CDCA3: variants seen among roughly 807,000 people sequenced by gnomAD.
CDCA3 encodes cell division cycle associated 3, also known as cell division cycle-associated protein 3.
In CDCA3, 16 loss-of-function variants were observed where a neutral mutation model predicts 29.1. The ratio of observed to expected loss-of-function variants is 0.55; its 90% CI spans 0.37 to 0.83. CDCA3 has a LOEUF of 0.83. Ranked by LOEUF, CDCA3 falls within the 40% of genes least tolerant of loss-of-function variation. The pLI is 0.00. For synonymous variants in CDCA3, 88 were observed against 124.5 expected (o/e 0.71, Z 1.95); for missense variants, 291 against 327.2 (o/e 0.89, Z 0.85).
downstream of CDCA3, chr12:6,845,877 C>A: frequency 4.0e-6 from 4 of 990,306 alleles, no homozygotes; most frequent in East Asian, 2.4e-5. Flanking sequence ...TTCTGTACCC[C>A]CCATCAGCTC....
downstream of CDCA3, among the ~76,000 whole-genome samples, chr12:6,847,621 C>T (rs1171712977): frequency 2.6e-5 from 4 of 152,016 alleles, no homozygotes; most frequent in East Asian, 1.9e-4. Flanking sequence ...TGTGTTTGTA[C>T]GGGAGGGTTA....
chr12:6,849,290 C>T lies in CDCA3; in HGVS notation c.651+33G>A. On this transcript the variant is annotated intron_variant, in intron 5 of 5. Coordinates refer to ENST00000538862, the MANE Select transcript of CDCA3 (RefSeq NM_031299.7). The surrounding 1 kb of genome is among the most constrained non-coding windows in gnomAD (Gnocchi z 5.2). ...GTCTCCCACCCTCTACGTTGGATAT[C>T]CTAGTAACAGCTTGCACTTTCTCTT... 1.9e-6 allele frequency: 3 copies of T among 1,594,344 alleles called. No homozygotes were observed. Among genetic ancestry groups the T allele is most frequent in the Non-Finnish European group, 2.6e-6 (3 of 1,168,360 alleles).
chr12:6,846,232 G>A (rs1419136529), downstream of CDCA3: 2 of 183,258 alleles, frequency 1.1e-5, no homozygotes, highest in African/African-American at 4.7e-5. Context: ...CAGATAGGAT[G>A]GCTTCTTCTC....
downstream of CDCA3, chr12:6,846,826 C>T: frequency 6.2e-7 from 1 of 1,601,106 alleles, no homozygotes; most frequent in South Asian, 1.1e-5. Flanking sequence ...GGGTGAGCTG[C>T]CTGGGAGTCA....
Position 6,850,762 on chromosome 12 carries a change from C to T in CDCA3, c.120+71G>A. On this transcript the variant is annotated intron_variant, in intron 2 of 5. Coordinates refer to ENST00000538862, the MANE Select transcript of CDCA3 (RefSeq NM_031299.7). The surrounding 1 kb of genome is among the most constrained non-coding windows in gnomAD (Gnocchi z 4.7). ...ATAAGGGTGGGGTCATGACGGCTCT[C>T]TCAAAATCAGGTTAGGAAGAGACCC... The T allele has an allele frequency of 2.5e-6, 4 of 1,589,752 alleles. No homozygotes were observed. In the South Asian group the frequency reaches 4.5e-5, roughly 18 times the overall value.
chr12:6,850,118 G>T lies in CDCA3; in HGVS notation c.251-260C>A, dbSNP rs1555125982. The T allele has an allele frequency of 5.9e-6, 3 of 507,002 alleles. No homozygotes were observed. The highest frequency in any genetic ancestry group is 3.6e-5 in the Admixed American group (1 of 27,960). 31.4% of individuals were successfully genotyped at this position (507,002 alleles called of 1,614,324 possible). ...GGGCTCAAGCAATCCTCCCACTTCA[G>T]CCTCCTGAGTAGCTGGGATCACAGG... On this transcript the variant is annotated intron_variant, in intron 3 of 5. Transcript: ENST00000538862. This position sits in a 1 kb window ranked among gnomAD's most constrained non-coding sequence, Gnocchi z 4.7.
At chr12:6,845,623 A>G (rs1555124469), downstream of CDCA3, 3 of 1,613,260 alleles carry the variant, frequency 1.9e-6, no homozygotes, top group African/African-American at 1.3e-5. Flanking sequence ...ACGGGCTCGG[A>G]TGACGCTTCC....
rs782385664 is a variant in CDCA3 at position 6,849,027 on chromosome 12, T to C, written c.*16A>G. On this transcript the variant is annotated 3_prime_UTR_variant, in exon 6 of 6. Transcript: ENST00000538862. This position sits in a 1 kb window ranked among gnomAD's most constrained non-coding sequence, Gnocchi z 5.2. ...ACCAGGCCCTGGGTGACTGCATTGCTGGGGCCATGCAGGGCCTAGCTCTCC... is the reference window on the plus strand; with the variant it reads ...ACCAGGCCCTGGGTGACTGCATTGCCGGGGCCATGCAGGGCCTAGCTCTCC... 16 of 843,206 alleles carry C rather than the reference T, an allele frequency of 1.9e-5. No individual in the cohort carries two copies. In the South Asian group the frequency reaches 2.1e-4, roughly 11 times the overall value. The allele number at this position is 843,206 out of a possible 1,614,324, so 52.2% of individuals were successfully genotyped here.
chr12:6,846,187 G>A, downstream of CDCA3: 2 of 234,876 alleles, frequency 8.5e-6, no homozygotes, highest in Non-Finnish European at 1.7e-5. Flanking sequence ...CCTGACTGCA[G>A]CCTAGGGCTC....
rs1555126376 is a variant in CDCA3, at chr12:6,850,976, G to A, written c.-24C>T. ...ATCTCAACCAGGAGTTGCAGGGTGG[G>A]GGCAAGGGCCAGCCCGGGACGAGGA... On this transcript the variant is annotated 5_prime_UTR_variant, in exon 2 of 6. Coordinates refer to ENST00000538862, the MANE Select transcript of CDCA3 (RefSeq NM_031299.7). This position sits in a 1 kb window ranked among gnomAD's most constrained non-coding sequence, Gnocchi z 4.7. The A allele has an allele frequency of 1.9e-6, 3 of 1,601,704 alleles. No individual in the cohort carries two copies. The highest frequency in any genetic ancestry group is 2.2e-5 in the East Asian group (1 of 44,778).
downstream of CDCA3, chr12:6,848,770 A>C (rs1591596137): frequency 2.3e-6 from 1 of 441,396 alleles, no homozygotes. Flanking sequence ...AGGCCAGGGA[A>C]CGCAAGCTCT....
At chr12:6,846,850 G>T, downstream of CDCA3, 1 of 1,602,302 alleles carries the variant, frequency 6.2e-7, no homozygotes. Context: ...CTGACGGGAT[G>T]GCTGTGGCCA....
downstream of CDCA3, chr12:6,845,753 C>T (rs782139192): frequency 8.7e-6 from 14 of 1,613,964 alleles, 1 homozygote; most frequent in Admixed American, 8.3e-5. Flanking sequence ...TCGCTGGCTA[C>T]GACGACTTCA....
downstream of CDCA3, chr12:6,846,528 A>G (rs781959046): frequency 9.0e-4 from 317 of 351,904 alleles, no homozygotes; most frequent in African/African-American, 6.0e-3. Flanking sequence ...CCTGCCCTAC[A>G]GCTAATCCTC....
Position 6,850,403 on chromosome 12 carries a change from C to T in CDCA3, c.250+64G>A. 3 of 1,603,974 alleles carry T rather than the reference C, an allele frequency of 1.9e-6. No individual in the cohort carries two copies. Among genetic ancestry groups the T allele is most frequent in the Non-Finnish European group, 2.6e-6 (3 of 1,172,470 alleles). On this transcript the variant is annotated intron_variant, in intron 3 of 5. Coordinates refer to ENST00000538862, the MANE Select transcript of CDCA3 (RefSeq NM_031299.7). This position sits in a 1 kb window ranked among gnomAD's most constrained non-coding sequence, Gnocchi z 4.7. ...TTAAGGAACCCTGAGAGAATGGCTTCATGGACCCTACCCAAGAATAATAGA... is the reference window on the plus strand; with the variant it reads ...TTAAGGAACCCTGAGAGAATGGCTTTATGGACCCTACCCAAGAATAATAGA...
At chr12:6,846,718 C>G, downstream of CDCA3, 2 of 796,104 alleles carry the variant, frequency 2.5e-6, no homozygotes, top group Non-Finnish European at 4.3e-6. Context: ...CCCACACATA[C>G]ACTTACACGC....
downstream of CDCA3, chr12:6,848,423 T>C (rs782437920): frequency 8.5e-5 from 13 of 152,306 alleles, no homozygotes; most frequent in African/African-American, 3.1e-4. Context: ...ATATAGGACA[T>C]TGGGAGGGAA....
At chr12:6,847,113 C>T (rs1943721679), downstream of CDCA3, 1 of 549,122 alleles carries the variant, frequency 1.8e-6, no homozygotes, top group African/African-American at 1.9e-5. Context: ...ATGGCCTTCC[C>T]TCCCCACAGT....
chr12:6,845,804 T>A, downstream of CDCA3: 1 of 1,607,626 alleles, frequency 6.2e-7, no homozygotes, highest in Non-Finnish European at 8.5e-7. Flanking sequence ...AGCGTGTGGG[T>A]AAGGGCCAGC....
Sources: allele counts gnomAD v4.1 joint callset (sites outside exome capture counted in the v4.1 genomes callset), GRCh38; gene constraint gnomAD v4.1.1; non-coding constraint Gnocchi (gnomAD v3.1); transcripts MANE v1.5; gene names NCBI Gene and HGNC (gene_info 2026-07-23, HGNC 2026-07-21).